Variants in FRMPD1 observed in about 807,000 individuals in gnomAD.
The protein encoded by FRMPD1 is FERM and PDZ domain containing 1.
FRMPD1 carries 76 observed loss-of-function variants against 117.8 expected under a neutral mutation model. That is an observed-to-expected ratio of 0.65 (90% CI 0.54 to 0.78). The LOEUF is 0.78. Among genes scored for constraint, FRMPD1 ranks in the 30% least tolerant of loss-of-function variants. The probability of loss-of-function intolerance (pLI) is 0.00; values close to 1 mark genes in which losing one functional copy is unlikely to be tolerated. For synonymous variants in FRMPD1, 783 were observed against 770.4 expected (o/e 1.02, Z -0.27); for missense variants, 1,786 against 1,964.5 (o/e 0.91, Z 1.72).
rs375564417 is a variant in FRMPD1 at position 37,746,535 on chromosome 9, C to G, written c.4503C>G (p.Ala1501=). 6.2e-7 allele frequency: 1 copy of G among 1,613,668 alleles called. No homozygotes were observed. Among genetic ancestry groups the G allele is most frequent in the Non-Finnish European group, 8.5e-7 (1 of 1,179,968 alleles). Residue 1501 remains alanine (A), a synonymous_variant, in exon 16 of 16, where the codon GCC becomes GCG. Transcript: ENST00000377765. Reference sequence around the variant, plus strand: ...CCTTCCAGCACCTGGTCCAGCTGGCCGGCCTGTGCTTTCAGTTCACAGACT... The same window carrying G: ...CCTTCCAGCACCTGGTCCAGCTGGCGGGCCTGTGCTTTCAGTTCACAGACT... ...RDTFQHLVQL[A]GLCFQFTDCS...
rs950106416 is a variant in FRMPD1, at chr9:37,732,570, C to G, written c.995+130C>G. On this transcript the variant is annotated intron_variant, in intron 10 of 15. Coordinates refer to ENST00000377765, the MANE Select transcript of FRMPD1 (RefSeq NM_014907.3). ...GTCTGTTGTCTTTCCATCCATTTCC[C>G]TCTGCACCCTCTCTAATCTGACCTG... 1.6e-5 allele frequency: 14 copies of G among 885,982 alleles called. No individual in the cohort carries two copies. The Admixed American group carries it at 2.1e-4, about 14-fold the overall frequency. 54.9% of individuals were successfully genotyped at this position (885,982 alleles called of 1,614,324 possible). A position where few individuals can be genotyped will look rare whatever the true frequency, so the allele number is the denominator to read the frequency against.
At chr9:37,700,844 T>C (rs946570659) in intron 2 of FRMPD1, among the ~76,000 whole-genome samples, 5 of 152,218 alleles carry the variant, frequency 3.3e-5, no homozygotes, top group African/African-American at 7.2e-5. Flanking sequence ...ACCTCACATT[T>C]ATGGTTTGAA....
At chr9:37,632,649 C>G in the FRMPD1 span, among the ~76,000 whole-genome samples, 30 of 152,206 alleles carry the variant, frequency 2.0e-4, no homozygotes, top group Non-Finnish European at 4.0e-4. Flanking sequence ...TGTGACAGCT[C>G]CTGCAAAAGT....
chr9:37,685,367 GGC>G, intron 1 of FRMPD1, among the ~76,000 whole-genome samples: 1 of 152,038 alleles, frequency 6.6e-6, no homozygotes, highest in Non-Finnish European at 1.5e-5. Flanking sequence ...CTTTCGGCTG[GGC>G]GCAGTGGCTC....
chr9:37,717,107 A>G (rs1436510800), intron 5 of FRMPD1, among the ~76,000 whole-genome samples: 1 of 152,138 alleles, frequency 6.6e-6, no homozygotes, highest in Non-Finnish European at 1.5e-5. Context: ...AGACCTTATC[A>G]AATGCTTTGC....
chr9:37,636,407 A>G, the FRMPD1 span, among the ~76,000 whole-genome samples: 1 of 152,082 alleles, frequency 6.6e-6, no homozygotes, highest in East Asian at 1.9e-4. Flanking sequence ...GTTCCAAAGA[A>G]AGGTGTGTAG....
intron 6 of FRMPD1, among the ~76,000 whole-genome samples, chr9:37,720,323 G>A (rs1056827733): frequency 5.3e-5 from 8 of 152,224 alleles, no homozygotes; most frequent in African/African-American, 1.9e-4. Context: ...GCTCACGCCT[G>A]TAATCCCAGC....
At chr9:37,618,862 G>A in the FRMPD1 span, among the ~76,000 whole-genome samples, 1 of 152,066 alleles carries the variant, frequency 6.6e-6, no homozygotes, top group South Asian at 2.1e-4. Flanking sequence ...GCACTCCATG[G>A]CATTTGCCTC....
chr9:37,670,622 A>C (rs1001390841), intron 1 of FRMPD1, among the ~76,000 whole-genome samples: 4 of 152,228 alleles, frequency 2.6e-5, no homozygotes, highest in Non-Finnish European at 5.9e-5. Context: ...CAAATGGAGA[A>C]GGATCTTCAA....
intron 1 of FRMPD1, among the ~76,000 whole-genome samples, chr9:37,664,064 A>C (rs1372410956): frequency 6.6e-6 from 1 of 152,102 alleles, no homozygotes; most frequent in Admixed American, 6.5e-5. Context: ...GACGCCCAAG[A>C]GCTATCACCT....
At chr9:37,633,320 C>T in the FRMPD1 span, among the ~76,000 whole-genome samples, 1 of 152,186 alleles carries the variant, frequency 6.6e-6, no homozygotes, top group African/African-American at 2.4e-5. Context: ...GGATTGCAGG[C>T]ATGAGCCACT....
intron 2 of FRMPD1, among the ~76,000 whole-genome samples, chr9:37,706,977 T>TCCA (rs58470137): frequency 0.013 from 1,752 of 139,254 alleles, 10 homozygotes; most frequent in African/African-American, 0.022. Context: ...CATCCATCCA[T>TCCA]TCATTCATTG....
the FRMPD1 span, among the ~76,000 whole-genome samples, chr9:37,637,963 G>GCTTTCTTTCTTTCTTTCTTTCTTTCTTT: frequency 1.0e-5 from 1 of 100,030 alleles, no homozygotes; most frequent in Admixed American, 1.1e-4. Flanking sequence ...AATGGTGTAT[G>GCTTTCTTTCTTTCTTTCTTTCTTTCTTT]CTTTCTTTCT....
the FRMPD1 span, among the ~76,000 whole-genome samples, chr9:37,633,328 A>G: frequency 6.6e-6 from 1 of 152,334 alleles, no homozygotes; most frequent in East Asian, 1.9e-4. Flanking sequence ...GGCATGAGCC[A>G]CTGCTCCTGG....
the FRMPD1 span, among the ~76,000 whole-genome samples, chr9:37,607,527 G>A: frequency 0.016 from 2,473 of 152,242 alleles, 85 homozygotes; most frequent in African/African-American, 0.057. Flanking sequence ...GTATCCTTGT[G>A]GTTGTGTTGC....
the FRMPD1 span, among the ~76,000 whole-genome samples, chr9:37,639,899 A>G: frequency 2.0e-5 from 3 of 152,210 alleles, no homozygotes; most frequent in Non-Finnish European, 2.9e-5. Flanking sequence ...GAGCTCAAGT[A>G]AAAAATAAAA....
chr9:37,689,927 AGTT>A (rs1822074718), intron 1 of FRMPD1, among the ~76,000 whole-genome samples: 6 of 152,182 alleles, frequency 3.9e-5, no homozygotes, highest in Admixed American at 2.6e-4. Flanking sequence ...CCTCTCTGGA[AGTT>A]TAGAAGATAT....
intron 4 of FRMPD1, among the ~76,000 whole-genome samples, chr9:37,709,612 G>T (rs1038193136): frequency 6.6e-6 from 1 of 152,176 alleles, no homozygotes; most frequent in African/African-American, 2.4e-5. Flanking sequence ...GTAAATGCTG[G>T]AGAGTCCTCC....
the FRMPD1 span, among the ~76,000 whole-genome samples, chr9:37,609,462 T>C: frequency 6.6e-6 from 1 of 152,132 alleles, no homozygotes; most frequent in Non-Finnish European, 1.5e-5. Flanking sequence ...GGAGTCATCT[T>C]TGACTCATCT....
Sources: gnomAD v4.1 joint callset for allele counts (sites outside exome capture counted in the v4.1 genomes callset) on GRCh38, gnomAD v4.1.1 for gene constraint, MANE v1.5 for transcripts, NCBI Gene and HGNC (gene_info 2026-07-23, HGNC 2026-07-21) for gene names.